TEX11: variants seen among roughly 807,000 people sequenced by gnomAD.
TEX11 encodes testis-expressed protein 11.
A neutral mutation model predicts 84.4 loss-of-function variants in TEX11; 7 were observed. That is an observed-to-expected ratio of 0.08 (90% CI 0.05 to 0.16). The LOEUF (loss-of-function observed/expected upper bound fraction) is 0.16, where lower values mean the gene tolerates loss of function less well. TEX11 is among the 10% of genes least tolerant of loss of function. The probability of loss-of-function intolerance (pLI) is 1.00; values close to 1 mark genes in which losing one functional copy is unlikely to be tolerated. For synonymous variants in TEX11, 264 were observed against 222.8 expected, an observed-to-expected ratio of 1.18 and a Z score of -1.64; for missense variants, 551 against 660.5, an observed-to-expected ratio of 0.83 and a Z score of 1.82.
At chrX:70,688,337 G>A (rs762897802) in intron 13 of TEX11, among the ~76,000 whole-genome samples, 11 of 111,485 alleles carry the variant, frequency 9.9e-5, no homozygotes, top group Non-Finnish European at 1.7e-4. Context: ...TCCCGTGAAT[G>A]TTTACAGCAA....
chrX:70,750,929 AAAAAATATATATATATAT>A (rs1257634248), intron 9 of TEX11, among the ~76,000 whole-genome samples: 2 of 26,669 alleles, frequency 7.5e-5, no homozygotes, highest in Admixed American at 4.4e-4. Flanking sequence ...AATAAAAAAA[AAAAAATATATATATATAT>A]ATATATATAT....
rs1207215808 is a variant in TEX11 at position 70,651,487 on chromosome X, T to C, written c.1446A>G (p.Ile482Met). 8.3e-7 allele frequency: 1 copy of C among 1,207,362 alleles called. No homozygotes were observed. The highest frequency in any genetic ancestry group is 1.1e-6 in the Non-Finnish European group (1 of 892,616). Reference sequence around the variant, plus strand: ...TGCCCTCTATGACTGCAATCTTGAATATATAAAATTGAGTGAAAACGTTCC... The same window carrying C: ...TGCCCTCTATGACTGCAATCTTGAACATATAAAATTGAGTGAAAACGTTCC... The part of the protein sequence containing the change: ...DPRNVFTQFY[I>M]FKIAVIEGNS... Residue 482 changes from isoleucine to methionine, a missense_variant, in exon 17 of 30, where the codon ATA becomes ATG. Transcript: ENST00000374333.
chrX:70,518,108 G>A, the TEX11 span, among the ~76,000 whole-genome samples: 3 of 108,590 alleles, frequency 2.8e-5, no homozygotes, highest in African/African-American at 6.7e-5. Context: ...AAGGGTTTTT[G>A]TGTCTCTATC....
intron 16 of TEX11, among the ~76,000 whole-genome samples, chrX:70,662,010 T>C (rs961008297): frequency 1.8e-5 from 2 of 112,132 alleles, no homozygotes; most frequent in African/African-American, 6.5e-5. Context: ...GGAACAAAGC[T>C]GGATAGAGAA....
chrX:70,692,410 G>C (rs765358321), intron 13 of TEX11, among the ~76,000 whole-genome samples: 1 of 110,480 alleles, frequency 9.1e-6, no homozygotes, highest in African/African-American at 3.3e-5. Context: ...AACTTTATAC[G>C]TATTGAGCAA....
At chrX:70,562,997 G>C (rs1283472741) in intron 25 of TEX11, among the ~76,000 whole-genome samples, 1 of 112,104 alleles carries the variant, frequency 8.9e-6, no homozygotes, top group Non-Finnish European at 1.9e-5. Context: ...TTATAGAGAT[G>C]TACAGTTTGT....
At chrX:70,568,312 A>T (rs1411124283) in intron 25 of TEX11, among the ~76,000 whole-genome samples, 1 of 110,232 alleles carries the variant, frequency 9.1e-6, no homozygotes, top group African/African-American at 3.3e-5. Context: ...TGCATGTGAG[A>T]TGGGTTTCCT....
At chrX:70,743,656 A>C (rs2090748072) in intron 10 of TEX11, among the ~76,000 whole-genome samples, 1 of 111,081 alleles carries the variant, frequency 9.0e-6, no homozygotes, top group South Asian at 3.9e-4. Context: ...TGGGCAAATC[A>C]CCTGAGGTCA....
the TEX11 span, among the ~76,000 whole-genome samples, chrX:70,511,848 G>C: frequency 1.0e-3 from 109 of 104,006 alleles, 2 homozygotes; most frequent in Non-Finnish European, 1.4e-3. Flanking sequence ...TGGCCTCCAA[G>C]TTAGTCTTCC....
intron 8 of TEX11, among the ~76,000 whole-genome samples, chrX:70,830,282 T>C (rs376856113): frequency 7.1e-5 from 8 of 112,050 alleles, no homozygotes; most frequent in African/African-American, 2.6e-4. Context: ...AAGGTCACTA[T>C]ATAAGGATAA....
At chrX:70,703,863 C>A (rs1410542643) in intron 13 of TEX11, among the ~76,000 whole-genome samples, 3 of 111,838 alleles carry the variant, frequency 2.7e-5, no homozygotes, top group Non-Finnish European at 5.7e-5. Flanking sequence ...AGCTCTGTGA[C>A]CTTGGTCAAG....
intron 26 of TEX11, 137 bp from the exon 27 acceptor site, chrX:70,553,551 A>G: frequency 2.4e-6 from 1 of 424,881 alleles, no homozygotes; most frequent in South Asian, 4.7e-5. Context: ...TGAATTTTAT[A>G]AATGATAAAT....
chrX:70,671,910 T>TATATATATATATATACAC (rs57166359), intron 15 of TEX11, among the ~76,000 whole-genome samples: 1,315 of 67,358 alleles, frequency 0.02, 30 homozygotes, highest in Non-Finnish European at 0.023. Flanking sequence ...TATATATATA[T>TATATATATATATATACAC]ACACACACAC....
chrX:70,611,265 T>A (rs1317393627), intron 20 of TEX11, among the ~76,000 whole-genome samples: 11 of 112,028 alleles, frequency 9.8e-5, no homozygotes, highest in Non-Finnish European at 1.9e-5. Flanking sequence ...TAACTCTTCT[T>A]GGACCTATAA....
chrX:70,570,465 A>G (rs1386182659), intron 25 of TEX11, among the ~76,000 whole-genome samples: 1 of 112,301 alleles, frequency 8.9e-6, no homozygotes, highest in Non-Finnish European at 1.9e-5. Flanking sequence ...CCGGTACCTC[A>G]GATGGAAATG....
At chrX:70,859,600 A>AAAAAG (rs1556187117) in intron 5 of TEX11, among the ~76,000 whole-genome samples, 5 of 96,258 alleles carry the variant, frequency 5.2e-5, no homozygotes, top group Non-Finnish European at 7.9e-5. Context: ...AAAAAAAAAA[A>AAAAAG]AGAGAGAACA....
intron 17 of TEX11, among the ~76,000 whole-genome samples, chrX:70,641,383 C>T (rs192579088): frequency 5.3e-4 from 59 of 110,433 alleles, no homozygotes; most frequent in African/African-American, 1.9e-3. Context: ...AACAAGGATA[C>T]CCAGGAATTG....
At chrX:70,570,269 A>C (rs2088573250) in intron 25 of TEX11, among the ~76,000 whole-genome samples, 1 of 112,144 alleles carries the variant, frequency 8.9e-6, no homozygotes, top group South Asian at 3.7e-4. Flanking sequence ...AAAGCGCAGT[A>C]TTGGGGTGGG....
chrX:70,723,687 A>T (rs2090577906), intron 12 of TEX11, among the ~76,000 whole-genome samples: 1 of 111,807 alleles, frequency 8.9e-6, no homozygotes, highest in Admixed American at 9.6e-5. Context: ...AGTGGATGGT[A>T]GGACCATGAG....
Sources: allele counts gnomAD v4.1 joint callset (sites outside exome capture counted in the v4.1 genomes callset), GRCh38; gene constraint gnomAD v4.1.1; transcripts MANE v1.5; gene names NCBI Gene and HGNC (gene_info 2026-07-23, HGNC 2026-07-21).